Variants in ITPR2 observed in about 807,000 individuals in gnomAD.
The protein encoded by ITPR2 is inositol 1,4,5-trisphosphate-gated calcium channel ITPR2.
A neutral mutation model predicts 317.1 loss-of-function variants in ITPR2; 207 were observed. The observed-to-expected ratio is 0.65, with a 90% CI of 0.58 to 0.73. The LOEUF is 0.73. ITPR2 is among the 30% of genes least tolerant of loss of function. The pLI is 0.00. For missense variants in ITPR2, 2,613 were observed against 3,284.0 expected, an observed-to-expected ratio of 0.80 and a Z score of 4.99; for synonymous variants, 1,156 against 1,149.1, an observed-to-expected ratio of 1.01 and a Z score of -0.12.
chr12:26,596,920 A>G lies in ITPR2; in HGVS notation c.4217T>C (p.Ile1406Thr). 6.3e-7 allele frequency: 1 copy of G among 1,584,318 alleles called. No individual in the cohort carries two copies. The stretch of plus-strand genomic sequence containing the variant: ...GTCGTCATGGGTCACCACCCTCACT[A>G]TGTCGTCCAGCGGGAGAAGGGAATT... ...KCNSLLPLDDIVRVVTHDDCI... is the reference protein window; with the variant it reads ...KCNSLLPLDDTVRVVTHDDCI... Residue 1406 changes from isoleucine to threonine, a missense_variant, in exon 31 of 57, where the codon ATA becomes ACA. Physicochemically the swap from Ile to Thr is moderately conservative, Grantham distance 89 (BLOSUM62 -1). Coordinates refer to ENST00000381340, the MANE Select transcript of ITPR2 (RefSeq NM_002223.4).
chr12:26,427,854 A>G, intron 49 of ITPR2, 59 bp downstream of exon 49: 1 of 1,116,952 alleles, frequency 9.0e-7, no homozygotes, highest in Non-Finnish European at 1.2e-6. Context: ...TTATATTTTT[A>G]TATTTCATAC....
At chr12:26,752,777 C>T (rs1338400726) in intron 2 of ITPR2, among the ~76,000 whole-genome samples, 2 of 151,278 alleles carry the variant, frequency 1.3e-5, no homozygotes, top group Non-Finnish European at 2.9e-5. Context: ...ATCAGGACCC[C>T]TTTCCTGTAA....
At chr12:26,378,890 G>C (rs1256112761) in intron 55 of ITPR2, among the ~76,000 whole-genome samples, 1 of 152,100 alleles carries the variant, frequency 6.6e-6, no homozygotes, top group East Asian at 1.9e-4. Flanking sequence ...AGGCCTTCCT[G>C]CCATTGTAGG....
Position 26,717,076 on chromosome 12 carries a change from GC to G in ITPR2, c.526-835del, listed in dbSNP as rs748437130. On this transcript the variant is annotated intron_variant, in intron 5 of 56. Coordinates refer to ENST00000381340, the MANE Select transcript of ITPR2 (RefSeq NM_002223.4). ...TTCCATTATTAAAGTTACTTACATT[GC>G]TGAATTTATTTAGAAGACATATTAT... Among the ~76,000 whole-genome samples, 5 of 152,094 alleles carry G rather than the reference GC, an allele frequency of 3.3e-5. No individual in the cohort carries two copies. In the East Asian group the frequency reaches 9.7e-4, roughly 29 times the overall value.
intron 9 of ITPR2, among the ~76,000 whole-genome samples, chr12:26,696,894 C>T (rs1396589766): frequency 6.6e-6 from 1 of 152,196 alleles, no homozygotes; most frequent in Non-Finnish European, 1.5e-5. Flanking sequence ...TAGTCTGCTA[C>T]CTGTCTCTGA....
At chr12:26,777,185 C>T (rs558068249) in intron 2 of ITPR2, among the ~76,000 whole-genome samples, 15 of 152,140 alleles carry the variant, frequency 9.9e-5, no homozygotes, top group Non-Finnish European at 1.5e-4. Context: ...TGTGAGCAAG[C>T]GGGAAATGCC....
chr12:26,666,923 A>C (rs1354639233), intron 13 of ITPR2, among the ~76,000 whole-genome samples: 1 of 152,140 alleles, frequency 6.6e-6, no homozygotes, highest in Non-Finnish European at 1.5e-5. Context: ...CTATTGCAAA[A>C]ATGGGTAAAC....
At chr12:26,556,159 A>G in intron 36 of ITPR2, 74 bp downstream of exon 36, 1 of 1,435,954 alleles carries the variant, frequency 7.0e-7, no homozygotes, top group East Asian at 2.4e-5. Context: ...TATATCAGTG[A>G]AGTATAAAGC....
chr12:26,715,821 A>C lies in ITPR2; in HGVS notation c.639T>G (p.Asn213Lys). ...AAGTGATTTTCCAGCTGGTGTTGCA[A>C]TTGACAGCATTCACCTATTAATGAA... Reference protein sequence around the residue: ...NPGCKEVNAVNCNTSWKITLF... With the variant: ...NPGCKEVNAVKCNTSWKITLF... The change falls in exon 7 of 57, where the codon AAT becomes AAG. Residue 213 changes from asparagine (N) to lysine (K), a missense_variant. Around this residue, in one of 9 missense-constraint regions of ITPR2, gnomAD observed 515 missense variants for 789.4 expected, o/e 0.65. Coordinates refer to ENST00000381340, the MANE Select transcript of ITPR2 (RefSeq NM_002223.4). The C allele has an allele frequency of 1.2e-6, 2 of 1,606,340 alleles. No individual in the cohort carries two copies. The highest frequency in any genetic ancestry group is 1.7e-6 in the Non-Finnish European group (2 of 1,173,434).
At chr12:26,813,207 T>C (rs555762948) in intron 1 of ITPR2, among the ~76,000 whole-genome samples, 42 of 152,356 alleles carry the variant, frequency 2.8e-4, no homozygotes, top group Admixed American at 3.3e-4. Flanking sequence ...TTTTCTAATT[T>C]CTGAGATCTA....
intron 21 of ITPR2, among the ~76,000 whole-genome samples, chr12:26,632,267 G>C (rs2136835848): frequency 6.6e-6 from 1 of 152,238 alleles, no homozygotes; most frequent in Middle Eastern, 3.4e-3. Context: ...TTTAAAAATG[G>C]AAATTTTCCT....
chr12:26,674,784 C>T (rs1379803518), intron 13 of ITPR2, among the ~76,000 whole-genome samples: 20 of 152,178 alleles, frequency 1.3e-4, no homozygotes, highest in African/African-American at 3.4e-4. Context: ...AGAAAATTTT[C>T]GCAACCTACT....
chr12:26,521,989 T>G (rs769272915), intron 37 of ITPR2, among the ~76,000 whole-genome samples: 8 of 152,320 alleles, frequency 5.3e-5, no homozygotes, highest in Non-Finnish European at 7.3e-5. Flanking sequence ...TGAATTACAT[T>G]TCCCACTATA....
chr12:26,771,968 T>A (rs1197805669), intron 2 of ITPR2, among the ~76,000 whole-genome samples: 1 of 152,066 alleles, frequency 6.6e-6, no homozygotes, highest in African/African-American at 2.4e-5. Context: ...TTACCTGACA[T>A]ATAGTAAGAA....
At chr12:26,497,443 C>A (rs1448444547) in intron 37 of ITPR2, among the ~76,000 whole-genome samples, 1 of 37,664 alleles carries the variant, frequency 2.7e-5, no homozygotes, top group East Asian at 3.7e-4. Flanking sequence ...CATGAGCCAC[C>A]GTGCCCACAA....
At chr12:26,516,115 C>A (rs914806156) in intron 37 of ITPR2, among the ~76,000 whole-genome samples, 2 of 139,962 alleles carry the variant, frequency 1.4e-5, no homozygotes, top group Non-Finnish European at 3.0e-5. Flanking sequence ...CAGAGTGAGA[C>A]CCTGTCTCAA....
chr12:26,804,468 G>A (rs11048689), intron 1 of ITPR2, among the ~76,000 whole-genome samples: 27,641 of 151,940 alleles, frequency 0.18, 2,951 homozygotes, highest in East Asian at 0.28. Context: ...GTCCTTACCC[G>A]AAAATAATGA....
chr12:26,370,706 G>A (rs187238612), intron 55 of ITPR2, among the ~76,000 whole-genome samples: 8 of 152,246 alleles, frequency 5.3e-5, no homozygotes, highest in African/African-American at 1.9e-4. Flanking sequence ...ATGGAGTCTT[G>A]CTCTGTTGCC....
At chr12:26,524,717 C>T (rs994035018) in intron 37 of ITPR2, among the ~76,000 whole-genome samples, 7 of 152,062 alleles carry the variant, frequency 4.6e-5, no homozygotes, top group Admixed American at 3.9e-4. Context: ...AAACAAAGTA[C>T]ACAAACCAGA....
Sources: gnomAD v4.1 joint callset for allele counts (sites outside exome capture counted in the v4.1 genomes callset) on GRCh38, gnomAD v4.1.1 for gene constraint, gnomAD v4.1.1 regional missense constraint, MANE v1.5 for transcripts, NCBI Gene and HGNC (gene_info 2026-07-23, HGNC 2026-07-21) for gene names.